SNTG1: variants seen among roughly 807,000 people sequenced by gnomAD.
SNTG1 encodes syntrophin gamma 1, also known as gamma-1-syntrophin.
Under a neutral mutation model 74.7 loss-of-function variants are expected in SNTG1, and 39 were observed. The ratio of observed to expected loss-of-function variants is 0.52; its 90% confidence interval spans 0.40 to 0.68. The LOEUF (loss-of-function observed/expected upper bound fraction) is 0.68. SNTG1 is among the 30% of genes least tolerant of loss of function. The pLI is 0.00. For synonymous variants in SNTG1, 254 were observed against 217.1 expected, an observed-to-expected ratio of 1.17 and a Z score of -1.49; for missense variants, 685 against 609.5, an observed-to-expected ratio of 1.12 and a Z score of -1.30.
intron 1 of SNTG1, among the ~76,000 whole-genome samples, chr8:50,170,700 G>A (rs569695961): frequency 6.6e-6 from 1 of 152,300 alleles, no homozygotes; most frequent in South Asian, 2.1e-4. Flanking sequence ...TGCTACAATT[G>A]TAGTGTCATC....
At chr8:49,932,302 T>A (rs1441188396) in intron 1 of SNTG1, among the ~76,000 whole-genome samples, 1 of 152,180 alleles carries the variant, frequency 6.6e-6, no homozygotes, top group Non-Finnish European at 1.5e-5. Flanking sequence ...ACTTTTGCTC[T>A]GTTGTTTAAT....
At chr8:50,353,772 T>C (rs546714560) in intron 2 of SNTG1, among the ~76,000 whole-genome samples, 3 of 152,364 alleles carry the variant, frequency 2.0e-5, no homozygotes, top group Admixed American at 6.5e-5. Flanking sequence ...ACACTCATTA[T>C]GGTAGCAGGA....
At chr8:50,449,927 A>T (rs1005432736) in intron 6 of SNTG1, among the ~76,000 whole-genome samples, 1 of 152,170 alleles carries the variant, frequency 6.6e-6, no homozygotes, top group Non-Finnish European at 1.5e-5. Context: ...CAGAAGGGGA[A>T]CAAGGCTGAA....
intron 18 of SNTG1, among the ~76,000 whole-genome samples, chr8:50,753,948 A>G (rs1342401489): frequency 6.6e-6 from 1 of 152,010 alleles, no homozygotes; most frequent in East Asian, 1.9e-4. Flanking sequence ...TATTTAAACA[A>G]CAATAATGCT....
chr8:50,645,140 C>CAGAATTGTT (rs78798863), intron 13 of SNTG1, among the ~76,000 whole-genome samples: 1 of 151,038 alleles, frequency 6.6e-6, no homozygotes, highest in African/African-American at 2.4e-5. Flanking sequence ...AATATAGAAA[C>CAGAATTGTT]ATGTTTATTT....
rs567623070 is a variant in SNTG1, at chr8:50,038,854, G to A, written c.-103+126623G>A. On this transcript the variant is annotated intron_variant, in intron 1 of 18. Transcript: ENST00000642720. ...GGACTCTTGGTTTGGCTCACACTGA[G>A]TAAGCAGAGTGTCTTCCGTACATTT... 3.9e-5 allele frequency among the ~76,000 whole-genome samples: 6 copies of A among 152,272 alleles called. No individual in the cohort carries two copies. The East Asian group carries it at 9.7e-4, about 25-fold the overall frequency.
At chr8:50,340,914 A>G (rs1458978611) in intron 2 of SNTG1, among the ~76,000 whole-genome samples, 1 of 151,968 alleles carries the variant, frequency 6.6e-6, no homozygotes, top group African/African-American at 2.4e-5. Flanking sequence ...TGCAGAGTTC[A>G]AAGTAAAGCA....
At chr8:50,699,356 T>C (rs2095415864) in intron 15 of SNTG1, among the ~76,000 whole-genome samples, 1 of 152,152 alleles carries the variant, frequency 6.6e-6, no homozygotes, top group Non-Finnish European at 1.5e-5. Flanking sequence ...AGTTTTTTCA[T>C]GACTAACTAC....
chr8:50,632,265 T>A (rs901121345), intron 13 of SNTG1, among the ~76,000 whole-genome samples: 17 of 151,488 alleles, frequency 1.1e-4, no homozygotes, highest in African/African-American at 3.9e-4. Context: ...GCATGTATTT[T>A]ATTTTAATAG....
At chr8:50,101,447 C>A (rs1233404481) in intron 1 of SNTG1, among the ~76,000 whole-genome samples, 5 of 152,152 alleles carry the variant, frequency 3.3e-5, no homozygotes, top group African/African-American at 1.2e-4. Context: ...CATCGTTATT[C>A]TTTGAGTTTT....
chr8:50,493,977 G>T (rs537859053), intron 8 of SNTG1, among the ~76,000 whole-genome samples: 1 of 151,792 alleles, frequency 6.6e-6, no homozygotes, highest in South Asian at 2.1e-4. Context: ...GCCCTAAGTT[G>T]GAGGGTTGCG....
intron 5 of SNTG1, among the ~76,000 whole-genome samples, chr8:50,445,075 A>T (rs948851797): frequency 6.6e-6 from 1 of 152,184 alleles, no homozygotes; most frequent in Non-Finnish European, 1.5e-5. Flanking sequence ...CCTCTTTCAA[A>T]CCTGAGCAAT....
intron 2 of SNTG1, among the ~76,000 whole-genome samples, chr8:50,258,975 GAA>G (rs1477136858): frequency 6.6e-6 from 1 of 152,034 alleles, no homozygotes; most frequent in African/African-American, 2.4e-5. Context: ...CAGGAAAAAT[GAA>G]AAGAGACCTA....
intron 8 of SNTG1, among the ~76,000 whole-genome samples, chr8:50,459,443 A>AAT (rs2093539647): frequency 1.3e-5 from 2 of 152,152 alleles, no homozygotes; most frequent in South Asian, 4.1e-4. Context: ...AAAATATTCG[A>AAT]ATATATATTT....
chr8:49,963,871 T>C (rs1306466582), intron 1 of SNTG1, among the ~76,000 whole-genome samples: 4 of 152,244 alleles, frequency 2.6e-5, no homozygotes, highest in African/African-American at 9.6e-5. Flanking sequence ...TCTTTTCAAT[T>C]TAGAAAGACT....
chr8:50,587,495 C>T (rs990915597), intron 12 of SNTG1, among the ~76,000 whole-genome samples: 2 of 152,090 alleles, frequency 1.3e-5, no homozygotes, highest in Non-Finnish European at 2.9e-5. Context: ...TTTATACTCT[C>T]TGTGTGTGTA....
intron 2 of SNTG1, among the ~76,000 whole-genome samples, chr8:50,241,310 T>C (rs2086153950): frequency 6.6e-6 from 1 of 152,228 alleles, no homozygotes; most frequent in African/African-American, 2.4e-5. Context: ...GCAGAGAGTG[T>C]GAATGGCAAT....
At chr8:50,423,752 A>C (rs1428721383) in intron 4 of SNTG1, among the ~76,000 whole-genome samples, 1 of 152,326 alleles carries the variant, frequency 6.6e-6, no homozygotes, top group African/African-American at 2.4e-5. Context: ...AGAAGCATAA[A>C]GCAAATGAGA....
At chr8:50,616,368 G>T (rs996432425) in intron 13 of SNTG1, among the ~76,000 whole-genome samples, 7 of 152,170 alleles carry the variant, frequency 4.6e-5, no homozygotes, top group Non-Finnish European at 5.9e-5. Flanking sequence ...GGACTTTATG[G>T]GTCAGGGTCA....
Sources: allele counts gnomAD v4.1 joint callset (sites outside exome capture counted in the v4.1 genomes callset), GRCh38; gene constraint gnomAD v4.1.1; transcripts MANE v1.5; gene names NCBI Gene and HGNC (gene_info 2026-07-23, HGNC 2026-07-21).